LIPC: variants seen among roughly 807,000 people sequenced by gnomAD.
The protein encoded by LIPC is hepatic triacylglycerol lipase.
A neutral mutation model predicts 50.7 loss-of-function variants in LIPC; 44 were observed. The ratio of observed to expected loss-of-function variants is 0.87; its 90% CI spans 0.68 to 1.11. The LOEUF (loss-of-function observed/expected upper bound fraction) is 1.11, where lower values mean the gene tolerates loss of function less well. Among genes scored for constraint, LIPC ranks in the 50% most tolerant of loss-of-function variants. The pLI is 0.00. For synonymous variants in LIPC, 271 were observed against 256.4 expected (o/e 1.06, Z -0.54); for missense variants, 697 against 648.2 (o/e 1.08, Z -0.82).
chr15:58,481,298 TA>T (rs548295263), intron 1 of LIPC, among the ~76,000 whole-genome samples: 5 of 152,148 alleles, frequency 3.3e-5, no homozygotes, highest in African/African-American at 4.8e-5. Context: ...TTTAAAAGAT[TA>T]AAAAAACCAT....
intron 6 of LIPC, among the ~76,000 whole-genome samples, chr15:58,550,825 C>CTTTTTTTTTTTTTTT (rs55943459): frequency 2.2e-5 from 1 of 45,084 alleles, no homozygotes; most frequent in African/African-American, 9.5e-5. Flanking sequence ...TTCTTTCTTA[C>CTTTTTTTTTTTTTTT]TTTTTTTTTT....
At chr15:58,520,982 C>T (rs1194346894) in intron 1 of LIPC, among the ~76,000 whole-genome samples, 2 of 152,060 alleles carry the variant, frequency 1.3e-5, no homozygotes, top group Non-Finnish European at 2.9e-5. Flanking sequence ...AAGATGAGGG[C>T]GAAACAAGGA....
At chr15:58,514,364 G>A (rs1266656372) in intron 1 of LIPC, among the ~76,000 whole-genome samples, 2 of 152,210 alleles carry the variant, frequency 1.3e-5, no homozygotes, top group Non-Finnish European at 2.9e-5. Flanking sequence ...AGTAGTAGAA[G>A]TAGTAGTAGT....
chr15:58,473,923 T>G (rs530493117), intron 1 of LIPC: 153 of 152,476 alleles, frequency 1.0e-3, no homozygotes, highest in Non-Finnish European at 2.0e-3. Flanking sequence ...TGTTTTGCAT[T>G]CCTTATCTTG....
chr15:58,531,626 CAAAAA>C (rs60425157), intron 1 of LIPC, among the ~76,000 whole-genome samples: 2 of 82,742 alleles, frequency 2.4e-5, no homozygotes, highest in Non-Finnish European at 4.6e-5. Flanking sequence ...AAAATGGACT[CAAAAA>C]AAAAAAAAAA....
intron 1 of LIPC, among the ~76,000 whole-genome samples, chr15:58,536,839 C>T (rs1475158861): frequency 1.3e-5 from 2 of 152,154 alleles, no homozygotes; most frequent in South Asian, 2.1e-4. Flanking sequence ...GAATTAATAA[C>T]CTTTTGAGTT....
chr15:58,549,831 G>A (rs1413217906), intron 6 of LIPC, among the ~76,000 whole-genome samples: 8 of 152,212 alleles, frequency 5.3e-5, no homozygotes, highest in African/African-American at 1.9e-4. Flanking sequence ...CTTAGGGCTG[G>A]AGGAGATGGC....
intron 1 of LIPC, among the ~76,000 whole-genome samples, chr15:58,492,803 A>G (rs1207368755): frequency 6.6e-6 from 1 of 152,222 alleles, no homozygotes; most frequent in Non-Finnish European, 1.5e-5. Flanking sequence ...CTGGGACAGG[A>G]TGGAAATCCA....
chr15:58,524,612 G>C (rs775159933), intron 1 of LIPC, among the ~76,000 whole-genome samples: 1 of 152,214 alleles, frequency 6.6e-6, no homozygotes, highest in Non-Finnish European at 1.5e-5. Flanking sequence ...TGATGGTTGA[G>C]ACTTGTGTCT....
intron 1 of LIPC, among the ~76,000 whole-genome samples, chr15:58,438,595 C>T (rs574217468): frequency 5.9e-5 from 9 of 152,262 alleles, no homozygotes; most frequent in South Asian, 2.1e-4. Context: ...GGAGGAGCCG[C>T]GGTAAGAAAG....
intron 1 of LIPC, among the ~76,000 whole-genome samples, chr15:58,491,943 A>G (rs1891600239): frequency 6.6e-6 from 1 of 152,104 alleles, no homozygotes; most frequent in Non-Finnish European, 1.5e-5. Flanking sequence ...ACACTTTCAC[A>G]CATGACCTGG....
intron 1 of LIPC, among the ~76,000 whole-genome samples, chr15:58,461,104 C>T (rs1894332472): frequency 6.6e-6 from 1 of 152,120 alleles, no homozygotes; most frequent in South Asian, 2.1e-4. Flanking sequence ...TTGAAGTGGT[C>T]ACTGCTGGGA....
intron 1 of LIPC, among the ~76,000 whole-genome samples, chr15:58,441,949 G>A (rs1893521622): frequency 6.6e-6 from 1 of 152,180 alleles, no homozygotes. Context: ...TCTGTTCGGT[G>A]GGCATTGTCT....
intron 1 of LIPC, among the ~76,000 whole-genome samples, chr15:58,444,476 G>C (rs1276093862): frequency 6.6e-6 from 1 of 152,198 alleles, no homozygotes; most frequent in African/African-American, 2.4e-5. Flanking sequence ...GAGGACCACA[G>C]ACTGGGTGGC....
Position 58,432,103 on chromosome 15 carries a change from G to A in LIPC, c.71G>A (p.Gly24Glu), listed in dbSNP as rs776432016. 3 of 1,613,356 alleles carry A rather than the reference G, an allele frequency of 1.9e-6. No homozygotes were observed. The highest frequency in any genetic ancestry group is 2.2e-5 in the East Asian group (1 of 44,872). Residue 24 changes from glycine (G) to glutamate (E), a missense_variant, in exon 1 of 9, where the codon GGA becomes GAA. Gly to Glu is a moderately conservative substitution (Grantham distance 98, BLOSUM62 -2). Transcript: ENST00000299022. ...LCIFIQSSAL[G>E]QSLKPEPFGR... is the part of the protein sequence containing the mutation. Reference sequence around the variant, plus strand: ...ATCTTTATCCAATCAAGTGCCCTTGGACAAAGCCTGAAACCAGGTAAGAGC... The same window carrying A: ...ATCTTTATCCAATCAAGTGCCCTTGAACAAAGCCTGAAACCAGGTAAGAGC...
At chr15:58,473,055 G>A (rs1411810413) in intron 1 of LIPC, among the ~76,000 whole-genome samples, 4 of 152,200 alleles carry the variant, frequency 2.6e-5, no homozygotes, top group Non-Finnish European at 5.9e-5. Context: ...GACAGCTGGG[G>A]AGGGGGAGGA....
intron 6 of LIPC, among the ~76,000 whole-genome samples, chr15:58,556,575 T>A (rs918360511): frequency 1.3e-5 from 2 of 152,234 alleles, no homozygotes; most frequent in Admixed American, 1.3e-4. Context: ...ATTCCCCTAC[T>A]TCTATGCATT....
chr15:58,508,435 A>T (rs1452354190), intron 1 of LIPC, among the ~76,000 whole-genome samples: 1 of 152,202 alleles, frequency 6.6e-6, no homozygotes, highest in African/African-American at 2.4e-5. Flanking sequence ...CACAGGATTC[A>T]GCGAGTCTTA....
At chr15:58,449,099 G>A (rs1428063002) in intron 1 of LIPC, among the ~76,000 whole-genome samples, 1 of 152,148 alleles carries the variant, frequency 6.6e-6, no homozygotes, top group African/African-American at 2.4e-5. Flanking sequence ...CAGGGGAGGA[G>A]GGAGCGATTA....
Sources: gnomAD v4.1 joint callset for allele counts (sites outside exome capture counted in the v4.1 genomes callset) on GRCh38, gnomAD v4.1.1 for gene constraint, MANE v1.5 for transcripts, NCBI Gene and HGNC (gene_info 2026-07-23, HGNC 2026-07-21) for gene names.